The following SLC4A10 variants were observed in gnomAD, a reference collection of about 807,000 sequenced individuals.
SLC4A10 encodes sodium-driven chloride bicarbonate exchanger.
Under a neutral mutation model 137.7 loss-of-function variants are expected in SLC4A10, and 42 were observed. The ratio of observed to expected loss-of-function variants is 0.30; its 90% CI spans 0.24 to 0.39. The LOEUF is 0.39. Ranked by LOEUF, SLC4A10 falls within the 10% of genes least tolerant of loss-of-function variation. The probability of loss-of-function intolerance (pLI) is 1.00; values close to 1 mark genes in which losing one functional copy is unlikely to be tolerated. For missense variants in SLC4A10, 925 were observed against 1,355.0 expected (o/e 0.68, Z 4.98); for synonymous variants, 474 against 464.1 (o/e 1.02, Z -0.27).
intron 15 of SLC4A10, among the ~76,000 whole-genome samples, chr2:161,914,828 A>G (rs1686728782): frequency 6.6e-6 from 1 of 152,124 alleles, no homozygotes; most frequent in Non-Finnish European, 1.5e-5. Context: ...AGGACTTTTT[A>G]AAAAATGATT....
chr2:161,656,634 A>G (rs757224716), intron 1 of SLC4A10, among the ~76,000 whole-genome samples: 21 of 152,182 alleles, frequency 1.4e-4, no homozygotes, highest in Non-Finnish European at 2.6e-4. Flanking sequence ...ATTGAACAAT[A>G]TATTTTTGCA....
intron 1 of SLC4A10, among the ~76,000 whole-genome samples, chr2:161,752,912 T>C (rs2049144114): frequency 6.6e-6 from 1 of 152,070 alleles, no homozygotes; most frequent in Non-Finnish European, 1.5e-5. Flanking sequence ...TAAGTGTTTT[T>C]ACCACAAAAA....
chr2:161,754,524 G>A (rs1312100153), intron 1 of SLC4A10, among the ~76,000 whole-genome samples: 1 of 152,110 alleles, frequency 6.6e-6, no homozygotes, highest in Admixed American at 6.5e-5. Context: ...AGGCAGAAAA[G>A]GAATCAAAAT....
chr2:161,950,788 A>C lies in SLC4A10; in HGVS notation c.2481A>C (p.Leu827=). 6.2e-7 allele frequency: 1 copy of C among 1,604,538 alleles called. No individual in the cohort carries two copies. The highest frequency in any genetic ancestry group is 8.5e-7 in the Non-Finnish European group (1 of 1,174,982). The stretch of plus-strand genomic sequence containing the variant: ...TTCCAGCTCTGCTTTGTACTATTCT[A>C]ATTTTTATGGACCAACAGATTACAG... ...AIIPALLCTI[L]IFMDQQITAV... Residue 827 remains leucine, a synonymous_variant, in exon 19 of 27, where the codon CTA becomes CTC. Coordinates refer to ENST00000446997, the MANE Select transcript of SLC4A10 (RefSeq NM_001178015.2).
chr2:161,755,733 A>C (rs1478977902), intron 1 of SLC4A10, among the ~76,000 whole-genome samples: 3 of 146,080 alleles, frequency 2.1e-5, no homozygotes, highest in Non-Finnish European at 4.5e-5. Flanking sequence ...GCCAAATACT[A>C]TTTTCTTTAC....
At chr2:161,947,262 C>A (rs765885807) in intron 16 of SLC4A10, among the ~76,000 whole-genome samples, 3 of 152,000 alleles carry the variant, frequency 2.0e-5, no homozygotes, top group Non-Finnish European at 2.9e-5. Flanking sequence ...CAATATATCT[C>A]GTGTTAGGAA....
intron 8 of SLC4A10, 64 bp downstream of exon 8, chr2:161,874,069 T>C (rs1331248376): frequency 6.9e-7 from 1 of 1,459,708 alleles, no homozygotes; most frequent in South Asian, 1.2e-5. Flanking sequence ...TATGGAGGCA[T>C]GTGATTCAAA....
intron 6 of SLC4A10, among the ~76,000 whole-genome samples, chr2:161,866,089 A>G (rs2060725621): frequency 1.3e-5 from 2 of 152,044 alleles, no homozygotes. Flanking sequence ...TTTCTTGTTT[A>G]ATGTGCTAAA....
intron 1 of SLC4A10, among the ~76,000 whole-genome samples, chr2:161,728,890 G>A (rs1029885235): frequency 2.6e-5 from 4 of 152,042 alleles, no homozygotes; most frequent in Non-Finnish European, 4.4e-5. Flanking sequence ...GGAATGAAAG[G>A]CTGGTTCAAT....
intron 1 of SLC4A10, among the ~76,000 whole-genome samples, chr2:161,689,554 T>C (rs2041778824): frequency 6.6e-6 from 1 of 152,178 alleles, no homozygotes; most frequent in Non-Finnish European, 1.5e-5. Context: ...TTAAGTACAC[T>C]CTATGATGTT....
At chr2:161,763,726 C>T (rs1205117047) in intron 1 of SLC4A10, among the ~76,000 whole-genome samples, 2 of 152,066 alleles carry the variant, frequency 1.3e-5, no homozygotes, top group Non-Finnish European at 2.9e-5. Flanking sequence ...CTCTTCATGG[C>T]TGAACTTAAC....
At chr2:161,661,279 A>C (rs2038355876) in intron 1 of SLC4A10, among the ~76,000 whole-genome samples, 2 of 152,092 alleles carry the variant, frequency 1.3e-5, no homozygotes. Flanking sequence ...TCGAGAGACT[A>C]TCCTGGCCAA....
chr2:161,881,784 T>A (rs2061802587), intron 9 of SLC4A10, among the ~76,000 whole-genome samples: 1 of 152,078 alleles, frequency 6.6e-6, no homozygotes, highest in South Asian at 2.1e-4. Flanking sequence ...ATAGTGCAGA[T>A]GCTATTTTTA....
At chr2:161,817,605 T>C (rs573812258) in intron 3 of SLC4A10, among the ~76,000 whole-genome samples, 2 of 152,370 alleles carry the variant, frequency 1.3e-5, no homozygotes, top group South Asian at 2.1e-4. Context: ...AGGGTTTTTA[T>C]GGTTTTAGTC....
chr2:161,854,831 C>G, intron 4 of SLC4A10, 139 bp from the exon 5 acceptor site: 2 of 720,806 alleles, frequency 2.8e-6, no homozygotes, highest in Non-Finnish European at 4.0e-6. Flanking sequence ...ATGGCTTAGA[C>G]TAGCTTTTAT....
chr2:161,948,093 G>A (rs529767593), intron 17 of SLC4A10, among the ~76,000 whole-genome samples: 2 of 152,132 alleles, frequency 1.3e-5, no homozygotes, highest in East Asian at 1.9e-4. Context: ...GGGAAGCCCC[G>A]GCAAGACTCA....
rs1245696506 is a variant in SLC4A10, at chr2:161,640,593, TTTCC to T, written c.48+16091_48+16094del. On this transcript the variant is annotated intron_variant, in intron 1 of 26. Coordinates refer to ENST00000446997, the MANE Select transcript of SLC4A10 (RefSeq NM_001178015.2). ...CTCTATGAAGTAAGCTTTCTCTTTC[TTTCC>T]TTCCTTCCTTCCTTCCTTCCTTCCT... Among the ~76,000 whole-genome samples the T allele has an allele frequency of 8.6e-3, 1,026 of 119,290 alleles. 23 individuals carry two copies. Among genetic ancestry groups the T allele is most frequent in the Middle Eastern group, 0.02 (5 of 244 alleles). The allele number at this position is 119,290 out of a possible 152,430, so 78.3% of individuals were successfully genotyped here.
At chr2:161,900,810 T>TG in intron 11 of SLC4A10, 101 bp from the exon 12 acceptor site, 1 of 768,886 alleles carries the variant, frequency 1.3e-6, no homozygotes, top group Non-Finnish European at 2.1e-6. Context: ...TCTCAGCTAT[T>TG]GTGCATATTG....
chr2:161,715,833 T>G (rs943732023), intron 1 of SLC4A10, among the ~76,000 whole-genome samples: 1 of 152,146 alleles, frequency 6.6e-6, no homozygotes, highest in Non-Finnish European at 1.5e-5. Flanking sequence ...ATAGAATGAT[T>G]TATATTCCTT....
Sources: gnomAD v4.1 joint callset for allele counts (sites outside exome capture counted in the v4.1 genomes callset) on GRCh38, gnomAD v4.1.1 for gene constraint, MANE v1.5 for transcripts, NCBI Gene and HGNC (gene_info 2026-07-23, HGNC 2026-07-21) for gene names.